HRH1: variants seen among roughly 807,000 people sequenced by gnomAD.
HRH1 encodes histamine H1 receptor.
A neutral mutation model predicts 10.3 loss-of-function variants in HRH1; 6 were observed. That is an observed-to-expected ratio of 0.58 (90% CI 0.32 to 1.15). The LOEUF (loss-of-function observed/expected upper bound fraction) is 1.15. HRH1 is among the 50% of genes most tolerant of loss of function. The probability of loss-of-function intolerance (pLI) is 0.05; values close to 1 mark genes in which losing one functional copy is unlikely to be tolerated. For synonymous variants in HRH1, 242 were observed against 236.7 expected, an observed-to-expected ratio of 1.02 and a Z score of -0.21; for missense variants, 514 against 615.3, an observed-to-expected ratio of 0.84 and a Z score of 1.74.
chr3:11,243,968 G>A (rs1033352506), intron 1 of HRH1, among the ~76,000 whole-genome samples: 1 of 152,168 alleles, frequency 6.6e-6, no homozygotes, highest in Non-Finnish European at 1.5e-5. Flanking sequence ...TGAAGTCAGG[G>A]ACAGTGTATC....
chr3:11,200,088 T>C (rs1336983726), intron 1 of HRH1, among the ~76,000 whole-genome samples: 2 of 152,136 alleles, frequency 1.3e-5, no homozygotes, highest in Non-Finnish European at 2.9e-5. Context: ...AGAAAGATCC[T>C]TGGATATTGT....
At chr3:11,218,308 C>T (rs1938582519) in intron 1 of HRH1, among the ~76,000 whole-genome samples, 3 of 151,868 alleles carry the variant, frequency 2.0e-5, no homozygotes, top group South Asian at 2.1e-4. Flanking sequence ...ATTAGCCAGG[C>T]GTGGTGGCAG....
At chr3:11,167,050 C>T in intron 1 of HRH1, among the ~76,000 whole-genome samples, 1 of 112,262 alleles carries the variant, frequency 8.9e-6, no homozygotes, top group East Asian at 2.6e-4. Flanking sequence ...CTGCATTCTC[C>T]AGACCAGTGA....
intron 1 of HRH1, among the ~76,000 whole-genome samples, chr3:11,197,679 G>A (rs6442237): frequency 0.042 from 6,388 of 152,154 alleles, 382 homozygotes; most frequent in African/African-American, 0.13. Flanking sequence ...ACTGGTCATC[G>A]CTGTAAACAT....
At chr3:11,202,595 C>T (rs545486034) in intron 1 of HRH1, among the ~76,000 whole-genome samples, 2 of 151,970 alleles carry the variant, frequency 1.3e-5, no homozygotes, top group Non-Finnish European at 1.5e-5. Flanking sequence ...TTTGTTTTAA[C>T]GAAGACTTTA....
intron 1 of HRH1, among the ~76,000 whole-genome samples, chr3:11,212,035 G>A (rs443137): frequency 0.28 from 43,052 of 151,998 alleles, 7,162 homozygotes; most frequent in Non-Finnish European, 0.38. Context: ...CTGGGGGAGG[G>A]GGGCAGCCAA....
At chr3:11,171,011 C>G (rs1050962933) in intron 1 of HRH1, among the ~76,000 whole-genome samples, 2 of 152,096 alleles carry the variant, frequency 1.3e-5, no homozygotes, top group Admixed American at 1.3e-4. Flanking sequence ...GGATCGCCTC[C>G]CTCCCTGTCT....
chr3:11,189,409 T>A (rs1937505711), intron 1 of HRH1, among the ~76,000 whole-genome samples: 1 of 152,152 alleles, frequency 6.6e-6, no homozygotes, highest in South Asian at 2.1e-4. Context: ...ACCTAATACA[T>A]AGAAAGCTCT....
intron 1 of HRH1, among the ~76,000 whole-genome samples, chr3:11,196,953 CAAAAAAAAAAAAA>C (rs35134148): frequency 9.1e-6 from 1 of 110,470 alleles, no homozygotes; most frequent in African/African-American, 3.7e-5. Context: ...ACTAAAAATA[CAAAAAAAAAAAAA>C]AAAAAAAAAT....
At position 11,260,183 on chromosome 3, in the gene HRH1, A is replaced by C; in HGVS notation, c.1146A>C (p.Thr382=). 1.2e-6 allele frequency: 2 copies of C among 1,614,064 alleles called. No homozygotes were observed. Among genetic ancestry groups the C allele is most frequent in the Non-Finnish European group, 1.7e-6 (2 of 1,180,018 alleles). The change falls in exon 2 of 2, where the codon ACA becomes ACC. Residue 382 remains threonine, a synonymous_variant. Coordinates refer to ENST00000431010, the MANE Select transcript of HRH1 (RefSeq NM_001098212.2). The stretch of plus-strand genomic sequence containing the variant: ...GCAAATTGAGGAGTGGGTCTAACAC[A>C]GGCCTGGATTACATCAAGTTTACTT... ...GKGKLRSGSN[T]GLDYIKFTWK... is the part of the protein sequence containing the mutation.
intron 1 of HRH1, among the ~76,000 whole-genome samples, chr3:11,169,286 A>C (rs974243592): frequency 3.9e-5 from 6 of 152,130 alleles, no homozygotes; most frequent in Admixed American, 2.6e-4. Flanking sequence ...GGTGTTTAAC[A>C]GATAGGAGCT....
At chr3:11,216,696 T>TA (rs2125037450) in intron 1 of HRH1, among the ~76,000 whole-genome samples, 1 of 151,374 alleles carries the variant, frequency 6.6e-6, no homozygotes, top group South Asian at 2.1e-4. Flanking sequence ...CTGGGTAACA[T>TA]ACTGAAATCC....
chr3:11,227,212 T>G (rs1464286240), intron 1 of HRH1, among the ~76,000 whole-genome samples: 1 of 151,804 alleles, frequency 6.6e-6, no homozygotes, highest in Non-Finnish European at 1.5e-5. Context: ...TAGTGCAGAG[T>G]TTTGAAGTAG....
chr3:11,172,989 G>A (rs970405923), intron 1 of HRH1, among the ~76,000 whole-genome samples: 5 of 152,094 alleles, frequency 3.3e-5, no homozygotes, highest in Non-Finnish European at 4.4e-5. Context: ...GAGCCACCGC[G>A]CCCGGCCAGC....
chr3:11,174,265 A>C (rs1031149389), intron 1 of HRH1, among the ~76,000 whole-genome samples: 1 of 152,196 alleles, frequency 6.6e-6, no homozygotes, highest in Non-Finnish European at 1.5e-5. Context: ...ACCTGCTAGC[A>C]CTTGATCAAG....
intron 1 of HRH1, among the ~76,000 whole-genome samples, chr3:11,223,371 C>T (rs1340160009): frequency 1.3e-5 from 2 of 150,170 alleles, no homozygotes; most frequent in African/African-American, 2.5e-5. Context: ...TGGTGGCGGG[C>T]GCCTGTAGTC....
intron 1 of HRH1, among the ~76,000 whole-genome samples, chr3:11,219,955 T>G (rs1163668816): frequency 2.7e-5 from 4 of 148,262 alleles, no homozygotes; most frequent in African/African-American, 5.0e-5. Flanking sequence ...GTGTTGTTTT[T>G]TTTTTTTTTT....
At chr3:11,252,526 T>G (rs918135580) in intron 1 of HRH1, among the ~76,000 whole-genome samples, 2 of 152,202 alleles carry the variant, frequency 1.3e-5, no homozygotes, top group Admixed American at 6.5e-5. Context: ...CCATCAGTAT[T>G]GCTGTTTTCA....
intron 1 of HRH1, among the ~76,000 whole-genome samples, chr3:11,160,734 G>A (rs1207583435): frequency 6.6e-6 from 1 of 152,130 alleles, no homozygotes; most frequent in African/African-American, 2.4e-5. Flanking sequence ...GGGCCTCAGG[G>A]CACGTAACCT....
Sources: gnomAD v4.1 joint callset for allele counts (sites outside exome capture counted in the v4.1 genomes callset) on GRCh38, gnomAD v4.1.1 for gene constraint, MANE v1.5 for transcripts, NCBI Gene and HGNC (gene_info 2026-07-23, HGNC 2026-07-21) for gene names.